Variants in TSHZ3 observed in about 807,000 individuals in gnomAD.
TSHZ3 encodes teashirt homolog 3.
TSHZ3 carries 10 observed loss-of-function variants against 64.5 expected under a neutral mutation model. The observed-to-expected ratio is 0.16, with a 90% CI of 0.10 to 0.26. The LOEUF (loss-of-function observed/expected upper bound fraction) is 0.26, where lower values mean the gene tolerates loss of function less well. TSHZ3 is among the 10% of genes least tolerant of loss of function. The probability of loss-of-function intolerance (pLI) is 1.00; values close to 1 mark genes in which losing one functional copy is unlikely to be tolerated. For missense variants in TSHZ3, 1,242 were observed against 1,421.7 expected (o/e 0.87, Z 2.03); for synonymous variants, 608 against 593.1 (o/e 1.03, Z -0.36).
At position 31,170,434 on chromosome 19, in the gene TSHZ3, G is replaced by A. The variant is rs77922552; in HGVS notation, n.810-14017C>T. On this transcript the variant is annotated intron_variant and non_coding_transcript_variant, in intron 5 of 6. Coordinates refer to the TSHZ3 transcript ENST00000651361. ...AAATTCCATCATGTTGAGGTGTAGG[G>A]CCTCAACATATGATTTGGGGGTTTG... 7.6e-3 allele frequency among the ~76,000 whole-genome samples: 1,150 copies of A among 152,218 alleles called. 14 individuals are homozygous for A. The highest frequency in any genetic ancestry group is 0.026 in the African/African-American group (1,082 of 41,526).
upstream of TSHZ3, among the ~76,000 whole-genome samples, chr19:31,349,711 C>G (rs1029776776): frequency 1.4e-5 from 2 of 147,486 alleles, no homozygotes; most frequent in African/African-American, 5.0e-5. Flanking sequence ...CGGCCCGGAC[C>G]GGTACTGCCC....
intron 4 of TSHZ3, among the ~76,000 whole-genome samples, chr19:31,227,757 C>A (rs780969798): frequency 6.6e-6 from 1 of 152,146 alleles, no homozygotes. Flanking sequence ...CACAAGCATG[C>A]CTTGAACTCA....
intron 3 of TSHZ3, among the ~76,000 whole-genome samples, chr19:31,241,229 A>C (rs1344418062): frequency 6.6e-6 from 1 of 152,186 alleles, no homozygotes; most frequent in East Asian, 1.9e-4. Flanking sequence ...TTAAATAATA[A>C]ATGGAAAGTC....
intron 3 of TSHZ3, among the ~76,000 whole-genome samples, chr19:31,229,449 G>A (rs1267647472): frequency 6.6e-6 from 1 of 152,128 alleles, no homozygotes; most frequent in Admixed American, 6.6e-5. Flanking sequence ...AAACACTAAA[G>A]ATAAATTGAT....
chr19:31,313,102 T>C (rs139621252), intron 1 of TSHZ3, among the ~76,000 whole-genome samples: 2 of 152,110 alleles, frequency 1.3e-5, no homozygotes, highest in Admixed American at 6.5e-5. Context: ...GGACTCAGGA[T>C]GCCAAACCTG....
At chr19:31,151,282 C>T (rs1185779841) in exon 7 of TSHZ3, among the ~76,000 whole-genome samples, 1 of 152,140 alleles carries the variant, frequency 6.6e-6, no homozygotes, top group Non-Finnish European at 1.5e-5. Context: ...CACTGATTGG[C>T]CTTATTTCAT....
At chr19:31,174,075 AAAAC>A (rs1262100132) in intron 5 of TSHZ3, among the ~76,000 whole-genome samples, 2 of 152,232 alleles carry the variant, frequency 1.3e-5, no homozygotes, top group South Asian at 2.1e-4. Context: ...CTCAAAAATA[AAAAC>A]AAACAAACAA....
intron 5 of TSHZ3, among the ~76,000 whole-genome samples, chr19:31,159,866 A>AT (rs1240930297): frequency 1.3e-5 from 2 of 151,632 alleles, no homozygotes; most frequent in African/African-American, 4.8e-5. Context: ...CTAATCTTTT[A>AT]TTTTTCATAG....
chr19:31,198,471 A>C (rs1580757), intron 5 of TSHZ3, among the ~76,000 whole-genome samples: 105,944 of 151,858 alleles, frequency 0.7, 37,158 homozygotes, highest in African/African-American at 0.77. Context: ...AAAATATATA[A>C]ATGATGGGAA....
chr19:31,183,150 T>C (rs1008210410), intron 5 of TSHZ3, among the ~76,000 whole-genome samples: 1 of 151,518 alleles, frequency 6.6e-6, no homozygotes, highest in Non-Finnish European at 1.5e-5. Context: ...TGACAGCCTC[T>C]ACAATCATGT....
At chr19:31,213,865 C>T (rs779118655) in intron 4 of TSHZ3, among the ~76,000 whole-genome samples, 12 of 152,216 alleles carry the variant, frequency 7.9e-5, no homozygotes, top group Non-Finnish European at 1.5e-4. Flanking sequence ...TTCTGAGCCT[C>T]GAGCTGCCCC....
intron 3 of TSHZ3, among the ~76,000 whole-genome samples, chr19:31,234,230 C>T (rs1055178754): frequency 3.9e-5 from 6 of 152,062 alleles, no homozygotes; most frequent in South Asian, 2.1e-4. Context: ...TATTCTGTGA[C>T]GTTGCTAAAT....
Position 31,277,800 on chromosome 19 carries a change from G to A in TSHZ3, c.1993C>T (p.Arg665Cys), listed in dbSNP as rs773245852. 24 of 1,542,070 alleles carry A rather than the reference G, an allele frequency of 1.6e-5. No individual in the cohort carries two copies. The highest frequency in any genetic ancestry group is 6.7e-5 in the East Asian group (3 of 44,450). Residue 665 changes from arginine to cysteine, a missense_variant, in exon 2 of 2, where the codon CGC (arginine) becomes TGC (cysteine). Arg to Cys is a radical substitution (Grantham distance 180). Transcript: ENST00000240587. This position sits in a 1 kb window ranked among gnomAD's most constrained non-coding sequence, Gnocchi z 4.5. ...KMEASSDGGFRSQENSPSPPR... is the reference protein window; with the variant it reads ...KMEASSDGGFCSQENSPSPPR... ...GGGCTGGGGCTGTTCTCCTGGCTGC[G>A]GAAGCCCCCATCGCTGGATGCCTCC...
intron 5 of TSHZ3, among the ~76,000 whole-genome samples, chr19:31,185,154 G>A (rs1974784162): frequency 6.6e-6 from 1 of 151,044 alleles, no homozygotes; most frequent in African/African-American, 2.4e-5. Context: ...GAAAGCTCCA[G>A]CTCTCCCTTC....
At position 31,162,514 on chromosome 19, in the gene TSHZ3, G is replaced by A. The variant is rs147754039; in HGVS notation, n.810-6097C>T. Among the ~76,000 whole-genome samples, 79 of 152,144 alleles carry A rather than the reference G, an allele frequency of 5.2e-4. 1 individual carries two copies. Among genetic ancestry groups the A allele is most frequent in the African/African-American group, 1.9e-3 (77 of 41,506 alleles). On this transcript the variant is annotated intron_variant and non_coding_transcript_variant, in intron 5 of 6. Transcript: ENST00000651361. The stretch of plus-strand genomic sequence containing the variant: ...TGACGGCTTTTTTCCGACTTTCTTG[G>A]ATTTTCCTGGGGCATGGAGAGCTGG...
chr19:31,243,741 C>T (rs914481942), intron 1 of TSHZ3, among the ~76,000 whole-genome samples: 44 of 152,210 alleles, frequency 2.9e-4, no homozygotes, highest in Admixed American at 1.9e-3. Flanking sequence ...TGGTGTTCAT[C>T]GAGCTCTGGG....
At chr19:31,349,052 A>G in intron 1 of TSHZ3, 128 bp downstream of exon 1, 1 of 1,220,074 alleles carries the variant, frequency 8.2e-7, no homozygotes. Flanking sequence ...CAAACAGGAG[A>G]GCGGCGCCCG....
upstream of TSHZ3, among the ~76,000 whole-genome samples, chr19:31,350,545 A>AG (rs1439380796): frequency 6.7e-6 from 1 of 149,940 alleles, no homozygotes; most frequent in Non-Finnish European, 1.5e-5. Context: ...CCGAGAGCCT[A>AG]GGGGGCCGCC....
intron 1 of TSHZ3, among the ~76,000 whole-genome samples, chr19:31,244,555 G>A (rs764804482): frequency 6.6e-6 from 1 of 152,172 alleles, no homozygotes; most frequent in Non-Finnish European, 1.5e-5. Context: ...AAGTATATCA[G>A]TATAAAATTA....
Sources: allele counts gnomAD v4.1 joint callset (sites outside exome capture counted in the v4.1 genomes callset), GRCh38; gene constraint gnomAD v4.1.1; non-coding constraint Gnocchi (gnomAD v3.1); transcripts MANE v1.5; gene names NCBI Gene and HGNC (gene_info 2026-07-23, HGNC 2026-07-21).